Variants in MYO5B observed in about 807,000 individuals in gnomAD.
MYO5B encodes the protein myosin VB.
MYO5B carries 143 observed loss-of-function variants against 229.3 expected under a neutral mutation model. The observed-to-expected ratio is 0.62, with a 90% CI of 0.54 to 0.72. The LOEUF (loss-of-function observed/expected upper bound fraction) is 0.72. Among genes scored for constraint, MYO5B ranks in the 30% least tolerant of loss-of-function variants. MYO5B has a pLI of 0.00. For synonymous variants in MYO5B, 918 were observed against 885.2 expected, an observed-to-expected ratio of 1.04 and a Z score of -0.66; for missense variants, 2,321 against 2,331.0, an observed-to-expected ratio of 1.00 and a Z score of 0.09.
chr18:49,940,033 C>T (rs2025296709), intron 14 of MYO5B, among the ~76,000 whole-genome samples: 1 of 152,158 alleles, frequency 6.6e-6, no homozygotes, highest in Admixed American at 6.5e-5. Flanking sequence ...CTGCCGAGAC[C>T]TTCAATAAAT....
In MYO5B at chr18:49,877,998, T is replaced by G. The variant is rs573174109; in HGVS notation, c.3277-116A>C. ...TGCCTAATTTGTCAACAAGAATAGG[T>G]ATCATTGCTTCTTGGAATGATGGCT... is the stretch of plus-strand genomic sequence containing the variant. On this transcript the variant is annotated intron_variant, in intron 24 of 39. Transcript: ENST00000285039. 1.0e-4 allele frequency: 131 copies of G among 1,252,308 alleles called. 2 individuals carry two copies. In the South Asian group the frequency reaches 1.4e-3, roughly 13 times the overall value. The allele number at this position is 1,252,308 out of a possible 1,614,324, so 77.6% of individuals were successfully genotyped here. A position where few individuals can be genotyped will look rare whatever the true frequency, so the allele number is the denominator to read the frequency against.
At chr18:49,839,001 G>A (rs2024023823) in intron 36 of MYO5B, 143 bp downstream of exon 36, 1 of 986,678 alleles carries the variant, frequency 1.0e-6, no homozygotes, top group Non-Finnish European at 1.6e-6. Context: ...GCACACCTCA[G>A]TTCTGCCTTC....
chr18:49,914,736 T>C (rs980067023), intron 17 of MYO5B, among the ~76,000 whole-genome samples: 14 of 140,692 alleles, frequency 1.0e-4, no homozygotes, highest in East Asian at 4.2e-4. Flanking sequence ...GCCGAGATCA[T>C]GCCACTGCAC....
rs993945181 is a variant in MYO5B at position 49,887,981 on chromosome 18, C to A, written c.3045+6960G>T. 5.9e-5 allele frequency among the ~76,000 whole-genome samples: 9 copies of A among 152,184 alleles called. No homozygotes were observed. In the South Asian group the frequency reaches 1.0e-3, roughly 18 times the overall value. On this transcript the variant is annotated intron_variant, in intron 22 of 39. Coordinates refer to ENST00000285039, the MANE Select transcript of MYO5B (RefSeq NM_001080467.3). ...GATTACAGACATGAGCCACCACACC[C>A]AGCCCAGGTGTTTCTTTATAGTAAC...
At chr18:49,924,220 A>T (rs2025105442) in intron 17 of MYO5B, among the ~76,000 whole-genome samples, 1 of 152,228 alleles carries the variant, frequency 6.6e-6, no homozygotes, top group South Asian at 2.1e-4. Flanking sequence ...TTCTACCCAG[A>T]TAGTTACACC....
At chr18:50,008,207 G>A (rs1421866779) in intron 4 of MYO5B, among the ~76,000 whole-genome samples, 1 of 152,070 alleles carries the variant, frequency 6.6e-6, no homozygotes, top group East Asian at 1.9e-4. Flanking sequence ...TCTCTAGAAG[G>A]CCCCCACCAC....
At chr18:50,099,321 G>A (rs956595292) in intron 1 of MYO5B, among the ~76,000 whole-genome samples, 4 of 152,234 alleles carry the variant, frequency 2.6e-5, no homozygotes, top group African/African-American at 9.6e-5. Flanking sequence ...GGTAGAGTGG[G>A]ACAGGATCAT....
chr18:49,840,446 A>G (rs181719841), intron 35 of MYO5B: 98 of 152,380 alleles, frequency 6.4e-4, no homozygotes, highest in African/African-American at 2.3e-3. Flanking sequence ...AAGGAAGGGC[A>G]TATCCTTTTA....
intron 1 of MYO5B, among the ~76,000 whole-genome samples, chr18:50,138,485 G>A (rs1395248904): frequency 6.6e-6 from 1 of 152,204 alleles, no homozygotes; most frequent in Non-Finnish European, 1.5e-5. Flanking sequence ...AGAAGTGGCA[G>A]CTCAGGAGAG....
intron 2 of MYO5B, among the ~76,000 whole-genome samples, chr18:50,051,003 G>A (rs2030376140): frequency 6.6e-6 from 1 of 152,170 alleles, no homozygotes; most frequent in South Asian, 2.1e-4. Flanking sequence ...GGAATGCTTT[G>A]CAATACTGAA....
intron 14 of MYO5B, among the ~76,000 whole-genome samples, chr18:49,947,940 G>T (rs1242026992): frequency 6.6e-6 from 1 of 152,162 alleles, no homozygotes; most frequent in Non-Finnish European, 1.5e-5. Context: ...GTATACATGT[G>T]CCATGTTGGT....
At chr18:50,189,963 G>A (rs534691461) in intron 1 of MYO5B, among the ~76,000 whole-genome samples, 89 of 152,284 alleles carry the variant, frequency 5.8e-4, no homozygotes, top group African/African-American at 2.0e-3. Flanking sequence ...GTGTCTGCCA[G>A]TAAAGTAACC....
intron 4 of MYO5B, among the ~76,000 whole-genome samples, chr18:50,035,298 A>G (rs1165976504): frequency 2.0e-5 from 3 of 152,230 alleles, no homozygotes; most frequent in Non-Finnish European, 2.9e-5. Flanking sequence ...GAAAGCATCC[A>G]GCCATGACAG....
chr18:50,037,858 C>T (rs749402080), intron 3 of MYO5B, among the ~76,000 whole-genome samples: 7 of 152,110 alleles, frequency 4.6e-5, no homozygotes, highest in Non-Finnish European at 1.0e-4. Context: ...CACCACTGTA[C>T]TCCAGCCTGG....
chr18:49,923,328 C>G (rs1450898758), intron 17 of MYO5B, among the ~76,000 whole-genome samples: 2 of 152,190 alleles, frequency 1.3e-5, no homozygotes, highest in Non-Finnish European at 2.9e-5. Context: ...ATCTTTCATT[C>G]CCTCCCAGGA....
intron 4 of MYO5B, among the ~76,000 whole-genome samples, chr18:50,006,210 G>T (rs747109840): frequency 2.0e-5 from 3 of 152,170 alleles, no homozygotes; most frequent in Non-Finnish European, 2.9e-5. Context: ...TGGCTATTTA[G>T]GGCTCGTTAA....
chr18:49,922,908 T>C (rs1711714632), intron 17 of MYO5B, among the ~76,000 whole-genome samples: 1 of 152,312 alleles, frequency 6.6e-6, no homozygotes, highest in East Asian at 1.9e-4. Context: ...TTGACTCTGC[T>C]GGCAGCTCGG....
intron 33 of MYO5B, among the ~76,000 whole-genome samples, chr18:49,845,855 C>T (rs1394125305): frequency 6.6e-6 from 1 of 152,210 alleles, no homozygotes; most frequent in African/African-American, 2.4e-5. Context: ...GGCAAAGCAG[C>T]ACTGGGCACA....
intron 8 of MYO5B, among the ~76,000 whole-genome samples, chr18:49,983,834 T>A (rs919076299): frequency 6.6e-6 from 1 of 152,194 alleles, no homozygotes; most frequent in Non-Finnish European, 1.5e-5. Flanking sequence ...TCTGGTTGCC[T>A]CCCCATAGAG....
Sources: allele counts gnomAD v4.1 joint callset (sites outside exome capture counted in the v4.1 genomes callset), GRCh38; gene constraint gnomAD v4.1.1; transcripts MANE v1.5; gene names NCBI Gene and HGNC (gene_info 2026-07-23, HGNC 2026-07-21).